Variants in MSRB3 observed in about 807,000 individuals in gnomAD.
MSRB3 encodes the protein methionine-R-sulfoxide reductase B3.
Under a neutral mutation model 21.0 loss-of-function variants are expected in MSRB3, and 13 were observed. The observed-to-expected ratio is 0.62, with a 90% CI of 0.40 to 0.98. MSRB3 has a LOEUF of 0.98. Among genes scored for constraint, MSRB3 ranks in the 50% least tolerant of loss-of-function variants. MSRB3 has a pLI of 0.00. For missense variants in MSRB3, 199 were observed against 230.3 expected (o/e 0.86, Z 0.88); for synonymous variants, 87 against 88.6 (o/e 0.98, Z 0.10).
chr12:65,441,258 G>A (rs190079889), intron 5 of MSRB3, among the ~76,000 whole-genome samples: 3 of 151,986 alleles, frequency 2.0e-5, no homozygotes, highest in Admixed American at 2.0e-4. Flanking sequence ...CAGGACCCCG[G>A]CTCTATGAAC....
chr12:65,440,641 C>T (rs965632945), intron 5 of MSRB3, among the ~76,000 whole-genome samples: 5 of 151,962 alleles, frequency 3.3e-5, no homozygotes, highest in Non-Finnish European at 7.4e-5. Flanking sequence ...CTGACTAAGG[C>T]TTCCAAACTT....
intron 2 of MSRB3, among the ~76,000 whole-genome samples, chr12:65,325,641 G>C (rs368578856): frequency 6.6e-6 from 1 of 152,018 alleles, no homozygotes; most frequent in East Asian, 1.9e-4. Flanking sequence ...TAAAAAAAAC[G>C]GGAAGCATTT....
chr12:65,383,715 C>T (rs1428455759), intron 5 of MSRB3, among the ~76,000 whole-genome samples: 11 of 148,318 alleles, frequency 7.4e-5, no homozygotes, highest in Non-Finnish European at 1.3e-4. Context: ...GGCTAGAGTG[C>T]AGTGGCATGA....
At chr12:65,434,405 A>G (rs543782006) in intron 5 of MSRB3, among the ~76,000 whole-genome samples, 1 of 152,076 alleles carries the variant, frequency 6.6e-6, no homozygotes, top group African/African-American at 2.4e-5. Context: ...TATCTAGTTG[A>G]GAAGATAAGT....
chr12:65,352,865 A>G (rs1877113516), intron 4 of MSRB3, among the ~76,000 whole-genome samples: 1 of 151,788 alleles, frequency 6.6e-6, no homozygotes. Flanking sequence ...GGAAGAATCA[A>G]TATCGTGAAA....
intron 5 of MSRB3, among the ~76,000 whole-genome samples, chr12:65,404,692 A>G (rs1298679645): frequency 5.3e-5 from 8 of 152,192 alleles, no homozygotes; most frequent in Non-Finnish European, 1.0e-4. Flanking sequence ...TGATGTTTTG[A>G]AATATGTATA....
chr12:65,410,954 T>G (rs1249128557), intron 5 of MSRB3, among the ~76,000 whole-genome samples: 1 of 152,188 alleles, frequency 6.6e-6, no homozygotes, highest in Non-Finnish European at 1.5e-5. Context: ...CCTTTCCCTC[T>G]GTGAAACTAC....
intron 5 of MSRB3, among the ~76,000 whole-genome samples, chr12:65,401,307 A>C (rs1880110305): frequency 6.6e-6 from 1 of 152,192 alleles, no homozygotes; most frequent in Non-Finnish European, 1.5e-5. Context: ...TATTGGGTGC[A>C]TATATGTTTA....
chr12:65,353,654 C>A (rs189806147), intron 4 of MSRB3, among the ~76,000 whole-genome samples: 14,079 of 151,716 alleles, frequency 0.093, 2,242 homozygotes, highest in African/African-American at 0.32. Context: ...AATACAGCAC[C>A]CTGATGGGTC....
Position 65,300,062 on chromosome 12 carries a change from A to G in MSRB3, c.-51-8467A>G, listed in dbSNP as rs574442298. 2.9e-3 allele frequency among the ~76,000 whole-genome samples: 447 copies of G among 152,314 alleles called. 1 individual carries two copies. Among genetic ancestry groups the G allele is most frequent in the Middle Eastern group, 6.8e-3 (2 of 294 alleles). On this transcript the variant is annotated intron_variant, in intron 1 of 6. Transcript: ENST00000308259. ...TGATTTTCCTTGTATTTGTTGATTG[A>G]TTTAAAATCAAAAGTTGTATCTGTA... is the stretch of plus-strand genomic sequence containing the variant.
At chr12:65,319,502 T>A (rs1260980927) in intron 2 of MSRB3, among the ~76,000 whole-genome samples, 2 of 152,188 alleles carry the variant, frequency 1.3e-5, no homozygotes, top group Non-Finnish European at 2.9e-5. Context: ...AACATCCTTT[T>A]TGTTAACTCT....
At chr12:65,316,682 T>C (rs1314090773) in intron 2 of MSRB3, among the ~76,000 whole-genome samples, 1 of 152,150 alleles carries the variant, frequency 6.6e-6, no homozygotes, top group Non-Finnish European at 1.5e-5. Flanking sequence ...GTGAGAAAGA[T>C]GGCCACCTCA....
chr12:65,381,296 A>C lies in MSRB3; in HGVS notation c.292+12270A>C, dbSNP rs1375599135. On this transcript the variant is annotated intron_variant, in intron 5 of 6. Transcript: ENST00000308259. ...GTGAAAGTACTTACCTTGTACTGAT[A>C]GATATTTATAAATTGGAATGAATCG... is the stretch of plus-strand genomic sequence containing the variant. Among the ~76,000 whole-genome samples, 3 of 152,286 alleles carry C rather than the reference A, an allele frequency of 2.0e-5. No individual in the cohort carries two copies. In the East Asian group the frequency reaches 5.8e-4, roughly 29 times the overall value.
At chr12:65,420,867 C>A (rs1364845478) in intron 5 of MSRB3, among the ~76,000 whole-genome samples, 1 of 152,178 alleles carries the variant, frequency 6.6e-6, no homozygotes, top group Non-Finnish European at 1.5e-5. Flanking sequence ...ATCCAATCTA[C>A]CAATGATGGG....
intron 5 of MSRB3, among the ~76,000 whole-genome samples, chr12:65,385,456 ATATCT>A (rs1879156461): frequency 6.6e-6 from 1 of 152,130 alleles, no homozygotes; most frequent in South Asian, 2.1e-4. Context: ...CTTTAATTAG[ATATCT>A]TATAGCACCA....
chr12:65,372,500 A>G (rs1465734816), intron 5 of MSRB3, among the ~76,000 whole-genome samples: 1 of 152,210 alleles, frequency 6.6e-6, no homozygotes, highest in Admixed American at 6.5e-5. Flanking sequence ...TTTCCATTTT[A>G]TACCTTTTCC....
intron 4 of MSRB3, among the ~76,000 whole-genome samples, chr12:65,347,646 G>A (rs1876611745): frequency 1.3e-5 from 2 of 152,154 alleles, no homozygotes; most frequent in African/African-American, 2.4e-5. Context: ...GTGAGAGAGG[G>A]CATCCCTGTC....
At chr12:65,296,232 T>A (rs1175713262) in intron 1 of MSRB3, among the ~76,000 whole-genome samples, 2 of 152,234 alleles carry the variant, frequency 1.3e-5, no homozygotes, top group East Asian at 3.8e-4. Context: ...AGTTGAGTTG[T>A]CTGTTAGGCA....
chr12:65,413,538 G>T (rs1171251283), intron 5 of MSRB3, among the ~76,000 whole-genome samples: 1 of 151,224 alleles, frequency 6.6e-6, no homozygotes, highest in East Asian at 2.0e-4. Flanking sequence ...TTTGCTCCAT[G>T]AACTCTAGTC....
Sources: allele counts gnomAD v4.1 joint callset (sites outside exome capture counted in the v4.1 genomes callset), GRCh38; gene constraint gnomAD v4.1.1; transcripts MANE v1.5; gene names NCBI Gene and HGNC (gene_info 2026-07-23, HGNC 2026-07-21).